The following LINGO2 variants were observed in gnomAD, a reference collection of about 807,000 sequenced individuals.
LINGO2 encodes leucine-rich repeat and immunoglobulin-like domain-containing nogo receptor-interacting protein 2.
LINGO2 carries 14 observed loss-of-function variants against 30.6 expected under a neutral mutation model. That is an observed-to-expected ratio of 0.46 (90% CI 0.30 to 0.72). LINGO2 has a LOEUF of 0.72. LINGO2 is among the 30% of genes least tolerant of loss of function. LINGO2 has a pLI of 0.07. For synonymous variants in LINGO2, 317 were observed against 288.5 expected (o/e 1.10, Z -1.00); for missense variants, 729 against 751.7 (o/e 0.97, Z 0.35).
At chr9:28,647,196 T>C (rs1389967284) in intron 1 of LINGO2, among the ~76,000 whole-genome samples, 2 of 152,138 alleles carry the variant, frequency 1.3e-5, no homozygotes, top group African/African-American at 2.4e-5. Flanking sequence ...TACGTAGAGA[T>C]ATGGGAACGC....
chr9:28,092,734 AAAG>A (rs1826132946), intron 4 of LINGO2, among the ~76,000 whole-genome samples: 1 of 151,924 alleles, frequency 6.6e-6, no homozygotes, highest in Non-Finnish European at 1.5e-5. Context: ...AGTAATTAAA[AAAG>A]AAAAAACTGA....
the LINGO2 span, chr9:28,888,791 A>G: frequency 8.0e-6 from 4 of 499,244 alleles, no homozygotes; most frequent in Non-Finnish European, 1.7e-5. Flanking sequence ...TTAAACTTAT[A>G]CTCAGAACTT....
intron 3 of LINGO2, among the ~76,000 whole-genome samples, chr9:28,330,318 A>T (rs1825375116): frequency 6.6e-6 from 1 of 152,128 alleles, no homozygotes; most frequent in Non-Finnish European, 1.5e-5. Flanking sequence ...GGATTTTGTT[A>T]TGACAGCCCA....
At chr9:28,397,852 A>T (rs866306396) in intron 2 of LINGO2, among the ~76,000 whole-genome samples, 4 of 152,082 alleles carry the variant, frequency 2.6e-5, no homozygotes, top group South Asian at 2.1e-4. Context: ...CGGCCAATAG[A>T]TGTCTTAAAT....
chr9:28,997,540 T>C, the LINGO2 span, among the ~76,000 whole-genome samples: 1 of 151,886 alleles, frequency 6.6e-6, no homozygotes, highest in Non-Finnish European at 1.5e-5. Context: ...ATAAAAATAG[T>C]TGGCCGGGTG....
chr9:28,002,618 T>C (rs1822018186), intron 5 of LINGO2, among the ~76,000 whole-genome samples: 1 of 152,204 alleles, frequency 6.6e-6, no homozygotes, highest in South Asian at 2.1e-4. Context: ...ATGTTGCTAC[T>C]TAGTCTGTTT....
intron 5 of LINGO2, among the ~76,000 whole-genome samples, chr9:27,979,377 G>A (rs911815641): frequency 3.0e-4 from 45 of 151,968 alleles, no homozygotes; most frequent in African/African-American, 1.1e-3. Flanking sequence ...CAGTTAAAAG[G>A]AAAGGCCTAG....
At chr9:28,475,491 T>A (rs1825694241) in intron 2 of LINGO2, among the ~76,000 whole-genome samples, 1 of 152,106 alleles carries the variant, frequency 6.6e-6, no homozygotes, top group Admixed American at 6.6e-5. Flanking sequence ...TAATTTTAGG[T>A]TGAGGTGAGG....
intron 1 of LINGO2, among the ~76,000 whole-genome samples, chr9:28,633,091 T>C (rs1369471052): frequency 6.6e-6 from 1 of 151,698 alleles, no homozygotes; most frequent in African/African-American, 2.4e-5. Flanking sequence ...ACTAGGAGGC[T>C]AGGCCCATCT....
At chr9:28,656,517 C>A (rs1373985918) in intron 1 of LINGO2, among the ~76,000 whole-genome samples, 1 of 151,924 alleles carries the variant, frequency 6.6e-6, no homozygotes, top group South Asian at 2.1e-4. Flanking sequence ...TGAATCTAAT[C>A]ATAAGGAAAC....
At chr9:28,863,604 A>C in the LINGO2 span, 1 of 529,398 alleles carries the variant, frequency 1.9e-6, no homozygotes, top group Non-Finnish European at 3.9e-6. Flanking sequence ...TTCATGGTGT[A>C]GATCAACTGC....
At chr9:28,355,616 G>C (rs539840741) in intron 3 of LINGO2, among the ~76,000 whole-genome samples, 27 of 152,102 alleles carry the variant, frequency 1.8e-4, no homozygotes, top group African/African-American at 6.0e-4. Flanking sequence ...CACTTCACAG[G>C]TGGACAGAGA....
intron 3 of LINGO2, among the ~76,000 whole-genome samples, chr9:28,369,346 C>A (rs1820810603): frequency 6.6e-6 from 1 of 152,008 alleles, no homozygotes; most frequent in African/African-American, 2.4e-5. Flanking sequence ...ATTATTTATC[C>A]TTTATTCTTA....
the LINGO2 span, among the ~76,000 whole-genome samples, chr9:28,920,110 T>C: frequency 6.6e-6 from 1 of 152,134 alleles, no homozygotes; most frequent in Admixed American, 6.6e-5. Context: ...AGATGATTCT[T>C]TTAAAATAGA....
intron 4 of LINGO2, among the ~76,000 whole-genome samples, chr9:28,201,310 T>G (rs1358513069): frequency 5.0e-4 from 72 of 143,160 alleles, no homozygotes; most frequent in Non-Finnish European, 1.0e-3. Flanking sequence ...TTCCCACCTA[T>G]GAGTGAGAAT....
At chr9:28,340,312 G>T (rs1825726683) in intron 3 of LINGO2, among the ~76,000 whole-genome samples, 1 of 152,082 alleles carries the variant, frequency 6.6e-6, no homozygotes, top group Admixed American at 6.6e-5. Flanking sequence ...TATATAATAA[G>T]CCCTCAATAC....
At chr9:28,482,309 C>T (rs370725820) in intron 1 of LINGO2, among the ~76,000 whole-genome samples, 4,658 of 152,028 alleles carry the variant, frequency 0.031, 175 homozygotes, top group East Asian at 0.1. Flanking sequence ...TTTTAATGAT[C>T]GCCATTCTAA....
At chr9:28,269,112 T>A (rs1822853554) in intron 4 of LINGO2, among the ~76,000 whole-genome samples, 1 of 152,100 alleles carries the variant, frequency 6.6e-6, no homozygotes, top group Non-Finnish European at 1.5e-5. Context: ...CCTTCTCCCT[T>A]TTTCTAGATT....
intron 1 of LINGO2, among the ~76,000 whole-genome samples, chr9:28,580,336 A>G (rs1824197675): frequency 6.6e-6 from 1 of 152,066 alleles, no homozygotes; most frequent in African/African-American, 2.4e-5. Flanking sequence ...CATCAACAAA[A>G]CATCATGAAA....
Sources: allele counts gnomAD v4.1 joint callset (sites outside exome capture counted in the v4.1 genomes callset), GRCh38; gene constraint gnomAD v4.1.1; transcripts MANE v1.5; gene names NCBI Gene and HGNC (gene_info 2026-07-23, HGNC 2026-07-21).